The following MAN1A1 variants were observed in gnomAD, a reference collection of about 807,000 sequenced individuals.
MAN1A1 encodes the protein mannosidase alpha class 1A member 1, also known as mannosyl-oligosaccharide 1,2-alpha-mannosidase IA.
Under a neutral mutation model 70.8 loss-of-function variants are expected in MAN1A1, and 29 were observed. That is an observed-to-expected ratio of 0.41 (90% confidence interval 0.31 to 0.56). The LOEUF (loss-of-function observed/expected upper bound fraction) is 0.56. MAN1A1 is among the 20% of genes least tolerant of loss of function. The pLI, the probability that MAN1A1 is intolerant of heterozygous loss-of-function variation, is 0.29. For missense variants in MAN1A1, 747 were observed against 841.3 expected (o/e 0.89, Z 1.39); for synonymous variants, 349 against 330.1 (o/e 1.06, Z -0.62).
At chr6:119,229,550 T>C (rs77697922) in intron 6 of MAN1A1, among the ~76,000 whole-genome samples, 7,179 of 152,312 alleles carry the variant, frequency 0.047, 205 homozygotes, top group Middle Eastern at 0.078. Flanking sequence ...TATGTAGGTA[T>C]ATATTTCACA....
At chr6:119,191,770 T>C (rs182366736) in intron 9 of MAN1A1, among the ~76,000 whole-genome samples, 1 of 152,314 alleles carries the variant, frequency 6.6e-6, no homozygotes, top group East Asian at 1.9e-4. Context: ...ACTCTGGGAT[T>C]AAATGCTTCC....
intron 4 of MAN1A1, among the ~76,000 whole-genome samples, chr6:119,301,192 C>T (rs1772380193): frequency 1.3e-5 from 2 of 152,216 alleles, no homozygotes; most frequent in African/African-American, 2.4e-5. Flanking sequence ...AGAAATAATA[C>T]TGATAACACA....
At chr6:119,259,285 G>A (rs897598164) in intron 5 of MAN1A1, among the ~76,000 whole-genome samples, 1 of 152,108 alleles carries the variant, frequency 6.6e-6, no homozygotes, top group Non-Finnish European at 1.5e-5. Context: ...TCTATCTTAC[G>A]GTGAAGGGCA....
At chr6:119,346,503 C>T (rs1459229458) in intron 2 of MAN1A1, among the ~76,000 whole-genome samples, 3 of 152,144 alleles carry the variant, frequency 2.0e-5, no homozygotes, top group African/African-American at 4.8e-5. Context: ...CAAGACTGAG[C>T]GGTTTCAAAA....
At chr6:119,248,169 T>A in intron 6 of MAN1A1, 91 bp downstream of exon 6, 1 of 811,938 alleles carries the variant, frequency 1.2e-6, no homozygotes, top group Non-Finnish European at 2.0e-6. Flanking sequence ...ACCAGTATCA[T>A]ATAAGTAATT....
At chr6:119,219,767 A>G (rs1774307518) in intron 6 of MAN1A1, among the ~76,000 whole-genome samples, 1 of 152,186 alleles carries the variant, frequency 6.6e-6, no homozygotes. Flanking sequence ...AAAGCAATGT[A>G]ATTGCTACAC....
intron 2 of MAN1A1, among the ~76,000 whole-genome samples, chr6:119,316,848 ATTAT>A (rs1288262133): frequency 1.3e-5 from 2 of 151,986 alleles, no homozygotes; most frequent in Non-Finnish European, 1.5e-5. Context: ...AAAGTTACTA[ATTAT>A]TTAGTGATCG....
chr6:119,180,379 C>A lies in MAN1A1; in HGVS notation c.1768G>T (p.Asp590Tyr). The A allele has an allele frequency of 6.2e-7, 1 of 1,613,940 alleles. No homozygotes were observed. Among genetic ancestry groups the A allele is most frequent in the Non-Finnish European group, 8.5e-7 (1 of 1,179,864 alleles). The change falls in exon 12 of 13, where the codon GAT (aspartate) becomes TAT (tyrosine). Residue 590 changes from aspartate to tyrosine, a missense_variant. This residue lies in a region of MAN1A1 where 419 missense variants were observed against 548.2 expected (regional missense o/e 0.76). Transcript: ENST00000368468. ...RVNGGYSGLR[D>Y]VYLLHESYDD... ...TAACTCTCATGAAGAAGGTAAACAT[C>A]CCTTAGGCCTGAATAGCCTCCATTC...
At chr6:119,285,750 T>G (rs1198745044) in intron 5 of MAN1A1, among the ~76,000 whole-genome samples, 1 of 152,172 alleles carries the variant, frequency 6.6e-6, no homozygotes, top group Non-Finnish European at 1.5e-5. Flanking sequence ...TAATTTAGTA[T>G]TTAGGCAGGA....
At chr6:119,280,460 A>G (rs1270780173) in intron 5 of MAN1A1, among the ~76,000 whole-genome samples, 2 of 152,218 alleles carry the variant, frequency 1.3e-5, no homozygotes, top group Admixed American at 1.3e-4. Flanking sequence ...TCTCTTATTC[A>G]CTGTTGTTTC....
intron 2 of MAN1A1, among the ~76,000 whole-genome samples, chr6:119,345,770 T>G (rs1043801899): frequency 6.6e-6 from 1 of 152,216 alleles, no homozygotes; most frequent in African/African-American, 2.4e-5. Context: ...TAAGTGTTGG[T>G]GCATTCAGGT....
At chr6:119,300,159 C>T (rs546030592) in intron 4 of MAN1A1, among the ~76,000 whole-genome samples, 1 of 152,102 alleles carries the variant, frequency 6.6e-6, no homozygotes, top group Non-Finnish European at 1.5e-5. Flanking sequence ...AGATATCAGT[C>T]GGTTTCATAC....
intron 2 of MAN1A1, among the ~76,000 whole-genome samples, chr6:119,317,197 G>A (rs80073909): frequency 5.9e-5 from 9 of 151,880 alleles, no homozygotes; most frequent in Admixed American, 2.6e-4. Context: ...CATTACGCAC[G>A]AGAATCGTAC....
chr6:119,199,116 C>T (rs563339366), intron 8 of MAN1A1, among the ~76,000 whole-genome samples: 1 of 152,282 alleles, frequency 6.6e-6, no homozygotes, highest in South Asian at 2.1e-4. Flanking sequence ...TTCCATTATA[C>T]AATATCAGAA....
At chr6:119,201,661 GAC>G (rs1046071699) in intron 7 of MAN1A1, among the ~76,000 whole-genome samples, 14 of 152,246 alleles carry the variant, frequency 9.2e-5, no homozygotes, top group African/African-American at 3.1e-4. Flanking sequence ...GTCCCTTAAT[GAC>G]AGGGATACAT....
intron 4 of MAN1A1, 64 bp downstream of exon 4, chr6:119,301,924 C>T (rs1772403133): frequency 1.2e-6 from 1 of 861,124 alleles, no homozygotes. Flanking sequence ...ATAGGGCCCA[C>T]TACAGAATTT....
chr6:119,322,877 G>T (rs575409167), intron 2 of MAN1A1, among the ~76,000 whole-genome samples: 11 of 152,316 alleles, frequency 7.2e-5, no homozygotes, highest in African/African-American at 2.6e-4. Context: ...CTACGTAGCT[G>T]GGTCTTTGAT....
intron 2 of MAN1A1, chr6:119,327,191 G>C (rs996224452): frequency 2.0e-5 from 3 of 152,052 alleles, no homozygotes; most frequent in African/African-American, 7.3e-5. Flanking sequence ...TCTTCAGCTG[G>C]GGGCAGAAGA....
Position 119,348,859 on chromosome 6 carries a change from G to T in MAN1A1, c.207C>A (p.Leu69=). 6.6e-7 allele frequency: 1 copy of T among 1,526,676 alleles called. No homozygotes were observed. The highest frequency in any genetic ancestry group is 1.2e-5 in the South Asian group (1 of 80,754). 94.6% of individuals were successfully genotyped at this position (1,526,676 alleles called of 1,614,324 possible). A position where few individuals can be genotyped will look rare whatever the true frequency, so the allele number is the denominator to read the frequency against. The change falls in exon 2 of 13, where the codon CTC becomes CTA. Residue 69 remains leucine, a synonymous_variant. Transcript: ENST00000368468. ...IFFLPDSSKL[L]SGVLFHSSPA... is the part of the protein sequence containing the mutation. The stretch of plus-strand genomic sequence containing the variant: ...GGCTGGAGTGGAACAGGACCCCGCT[G>T]AGCAGCTTGGAGGAGTCTGGCAGGA...
Sources: gnomAD v4.1 joint callset for allele counts (sites outside exome capture counted in the v4.1 genomes callset) on GRCh38, gnomAD v4.1.1 for gene constraint, gnomAD v4.1.1 regional missense constraint, MANE v1.5 for transcripts, NCBI Gene and HGNC (gene_info 2026-07-23, HGNC 2026-07-21) for gene names.